TRAF2: variants seen among roughly 807,000 people sequenced by gnomAD.
TRAF2 encodes TNF receptor associated factor 2.
TRAF2 carries 6 observed loss-of-function variants against 55.6 expected under a neutral mutation model. The ratio of observed to expected loss-of-function variants is 0.11; its 90% CI spans 0.06 to 0.21. TRAF2 has a LOEUF of 0.21. Among genes scored for constraint, TRAF2 ranks in the 10% least tolerant of loss-of-function variants. The pLI, the probability that TRAF2 is intolerant of heterozygous loss-of-function variation, is 1.00. For synonymous variants in TRAF2, 329 were observed against 276.3 expected (o/e 1.19, Z -1.89); for missense variants, 561 against 684.5 (o/e 0.82, Z 2.01).
intron 6 of TRAF2, among the ~76,000 whole-genome samples, chr9:136,910,305 C>T (rs1850074045): frequency 6.6e-6 from 1 of 152,182 alleles, no homozygotes; most frequent in South Asian, 2.1e-4. Flanking sequence ...CCTCCATGTG[C>T]TGCTTATGAG....
chr9:136,911,413 C>T (rs890523456), intron 6 of TRAF2, among the ~76,000 whole-genome samples: 12 of 151,708 alleles, frequency 7.9e-5, no homozygotes, highest in Non-Finnish European at 1.0e-4. Flanking sequence ...TGCAGGTATG[C>T]ACCACCACAC....
rs138829625 is a variant in TRAF2, at chr9:136,921,202, C to T, written c.1125C>T (p.Ala375=). The T allele has an allele frequency of 4.5e-5, 73 of 1,613,840 alleles. No homozygotes were observed. The African/African-American group carries it at 8.4e-4, about 19-fold the overall frequency. Residue 375 remains alanine (A), a synonymous_variant, in exon 9 of 11, where the codon GCC becomes GCT. Coordinates refer to ENST00000247668, the MANE Select transcript of TRAF2 (RefSeq NM_021138.4). ...AAGCTGTGGCTGGCCGCATACCCGC[C>T]ATCTTCTCCCCAGGTGTGGTTCTAG... The part of the protein sequence containing the change: ...RQEAVAGRIP[A]IFSPAFYTSR...
intron 5 of TRAF2, 148 bp from the exon 6 acceptor site, chr9:136,909,772 C>G: frequency 1.3e-6 from 1 of 745,934 alleles, no homozygotes; most frequent in Non-Finnish European, 2.3e-6. Flanking sequence ...AGGATCCTGC[C>G]CGGGAGGAGC....
At chr9:136,897,303 T>G (rs1849701389) in intron 1 of TRAF2, among the ~76,000 whole-genome samples, 1 of 47,870 alleles carries the variant, frequency 2.1e-5, no homozygotes, top group Non-Finnish European at 4.1e-5. Flanking sequence ...GCCTTGGTGC[T>G]TAGGCAGAAG....
In TRAF2 at chr9:136,912,151, C is replaced by T. The variant is rs372205310; in HGVS notation, c.603+2157C>T. On this transcript the variant is annotated intron_variant, in intron 6 of 10. Coordinates refer to ENST00000247668, the MANE Select transcript of TRAF2 (RefSeq NM_021138.4). ...ACAGGCGTGAGCCACTGCGTCTGGC[C>T]CTTTTTTTTTTTTTTTTTTTTTTTT... Among the ~76,000 whole-genome samples the T allele has an allele frequency of 4.5e-3, 515 of 115,488 alleles. 3 individuals are homozygous for T. The highest frequency in any genetic ancestry group is 0.019 in the African/African-American group (503 of 26,672). The allele number at this position is 115,488 out of a possible 152,430, so 75.8% of individuals were successfully genotyped here.
intron 3 of TRAF2, 40 bp from the exon 4 acceptor site, chr9:136,900,382 C>A: frequency 6.8e-7 from 1 of 1,466,240 alleles, no homozygotes; most frequent in South Asian, 1.3e-5. Context: ...TGCAGGGAGT[C>A]TGGGAGGAGG....
chr9:136,925,206 G>A (rs71508879), intron 10 of TRAF2, among the ~76,000 whole-genome samples: 1 of 152,202 alleles, frequency 6.6e-6, no homozygotes, highest in Non-Finnish European at 1.5e-5. Flanking sequence ...AGGGGGTGTG[G>A]AGGGCCCACA....
At chr9:136,900,390 A>T (rs764645198) in intron 3 of TRAF2, 32 bp from the exon 4 acceptor site, 2 of 1,497,246 alleles carry the variant, frequency 1.3e-6, no homozygotes, top group African/African-American at 1.4e-5. Flanking sequence ...GTCTGGGAGG[A>T]GGTTTAACCC....
chr9:136,915,398 A>G (rs963907320), intron 6 of TRAF2, among the ~76,000 whole-genome samples: 2 of 151,784 alleles, frequency 1.3e-5, no homozygotes, highest in African/African-American at 4.8e-5. Context: ...TGCCACTGTG[A>G]TGTGTGAGAA....
intron 6 of TRAF2, among the ~76,000 whole-genome samples, chr9:136,914,340 C>G (rs17244089): frequency 6.6e-6 from 1 of 152,208 alleles, no homozygotes; most frequent in African/African-American, 2.4e-5. Context: ...ATGCTGCGCA[C>G]ATGCCAGGTT....
intron 10 of TRAF2, among the ~76,000 whole-genome samples, chr9:136,924,902 C>G (rs17250659): frequency 9.2e-5 from 14 of 152,052 alleles, no homozygotes; most frequent in African/African-American, 2.9e-4. Context: ...CCACGCCCAG[C>G]TAATTTTTGT....
chr9:136,897,268 T>C (rs1849700813), intron 1 of TRAF2, among the ~76,000 whole-genome samples: 1 of 150,566 alleles, frequency 6.6e-6, no homozygotes, highest in South Asian at 2.1e-4. Flanking sequence ...GGCATGGCAC[T>C]GAGTGGCTGA....
chr9:136,903,466 T>G (rs890310560), intron 4 of TRAF2, among the ~76,000 whole-genome samples: 1 of 151,928 alleles, frequency 6.6e-6, no homozygotes, highest in Non-Finnish European at 1.5e-5. Context: ...GACATTCTAG[T>G]GACATTCAGA....
intron 1 of TRAF2, among the ~76,000 whole-genome samples, chr9:136,888,985 C>T (rs1849514836): frequency 6.6e-6 from 1 of 152,068 alleles, no homozygotes; most frequent in Admixed American, 6.6e-5. Context: ...TCTGCCTCAG[C>T]CTCCCGAGTA....
At chr9:136,895,850 GAAAAAAAA>G (rs56199191) in intron 1 of TRAF2, among the ~76,000 whole-genome samples, 1 of 132,930 alleles carries the variant, frequency 7.5e-6, no homozygotes, top group African/African-American at 2.8e-5. Context: ...TCTGTTTAAG[GAAAAAAAA>G]AAAAAAAAAA....
chr9:136,901,387 C>T (rs578182376), intron 4 of TRAF2, among the ~76,000 whole-genome samples: 15 of 152,282 alleles, frequency 9.9e-5, no homozygotes, highest in East Asian at 5.8e-4. Flanking sequence ...TGGATAAACA[C>T]GGGAAGTGTG....
intron 7 of TRAF2, among the ~76,000 whole-genome samples, chr9:136,919,330 C>T (rs922806256): frequency 8.1e-6 from 1 of 122,726 alleles, no homozygotes; most frequent in Non-Finnish European, 1.6e-5. Context: ...CAGAGTTTCG[C>T]TCTTGTTGCC....
chr9:136,911,149 T>C (rs1375830541), intron 6 of TRAF2, among the ~76,000 whole-genome samples: 1 of 152,086 alleles, frequency 6.6e-6, no homozygotes, highest in Non-Finnish European at 1.5e-5. Context: ...GTTTCCAGAG[T>C]GAAAGACGAA....
chr9:136,884,764 G>A (rs1849415418), upstream of TRAF2, among the ~76,000 whole-genome samples: 1 of 152,186 alleles, frequency 6.6e-6, no homozygotes, highest in Non-Finnish European at 1.5e-5. Flanking sequence ...GTTCCCCCAT[G>A]CTGCCCATGC....
Sources: gnomAD v4.1 joint callset for allele counts (sites outside exome capture counted in the v4.1 genomes callset) on GRCh38, gnomAD v4.1.1 for gene constraint, MANE v1.5 for transcripts, NCBI Gene and HGNC (gene_info 2026-07-23, HGNC 2026-07-21) for gene names.